SLC35F2: variants seen among roughly 807,000 people sequenced by gnomAD.
SLC35F2 encodes the protein solute carrier family 35 member F2.
Under a neutral mutation model 38.1 loss-of-function variants are expected in SLC35F2, and 25 were observed. That is an observed-to-expected ratio of 0.66 (90% CI 0.48 to 0.92). The LOEUF is 0.92. Ranked by LOEUF, SLC35F2 falls within the 40% of genes least tolerant of loss-of-function variation. SLC35F2 has a pLI of 0.00. For synonymous variants in SLC35F2, 173 were observed against 181.7 expected (o/e 0.95, Z 0.38); for missense variants, 409 against 452.9 (o/e 0.90, Z 0.88).
chr11:107,792,353 T>C lies in SLC35F2; in HGVS notation c.*262A>G. ...CCCACTGGTGCCTCTAAGACCCCAG[T>C]GTGGAGTCTGCACCTCATCTCCTCA... On this transcript the variant is annotated 3_prime_UTR_variant, in exon 8 of 8. Coordinates refer to ENST00000525815, the MANE Select transcript of SLC35F2 (RefSeq NM_017515.5). 3.0e-6 allele frequency: 1 copy of C among 330,636 alleles called. No homozygotes were observed. Among genetic ancestry groups the C allele is most frequent in the South Asian group, 4.4e-5 (1 of 22,788 alleles). The allele number at this position is 330,636 out of a possible 1,614,324, so 20.5% of individuals were successfully genotyped here.
chr11:107,809,167 T>C (rs1859443065), intron 3 of SLC35F2, among the ~76,000 whole-genome samples: 1 of 152,006 alleles, frequency 6.6e-6, no homozygotes, highest in South Asian at 2.1e-4. Context: ...TCACCTTTAG[T>C]CATGTGAACC....
At chr11:107,800,634 T>C (rs1358505461) in intron 7 of SLC35F2, among the ~76,000 whole-genome samples, 1 of 152,116 alleles carries the variant, frequency 6.6e-6, no homozygotes, top group Non-Finnish European at 1.5e-5. Flanking sequence ...TGCAGTGGTG[T>C]GATCAGATCA....
intron 3 of SLC35F2, among the ~76,000 whole-genome samples, chr11:107,807,178 T>TA (rs1859406006): frequency 6.6e-6 from 1 of 150,614 alleles, no homozygotes; most frequent in South Asian, 2.1e-4. Flanking sequence ...CTCACGCCTG[T>TA]AATCTTAGCA....
chr11:107,845,430 A>C (rs1860091176), intron 1 of SLC35F2, among the ~76,000 whole-genome samples: 1 of 151,600 alleles, frequency 6.6e-6, no homozygotes, highest in Non-Finnish European at 1.5e-5. Flanking sequence ...CTGAGGCTGG[A>C]GGATTGCTTG....
chr11:107,831,078 T>C (rs1859833276), intron 1 of SLC35F2, among the ~76,000 whole-genome samples: 1 of 152,184 alleles, frequency 6.6e-6, no homozygotes, highest in Admixed American at 6.6e-5. Context: ...ATCCAGGATA[T>C]GAATCAATAC....
At chr11:107,849,282 T>C (rs981247194) in intron 1 of SLC35F2, among the ~76,000 whole-genome samples, 1 of 152,052 alleles carries the variant, frequency 6.6e-6, no homozygotes, top group Non-Finnish European at 1.5e-5. Context: ...GATGGAGGCA[T>C]GGATGGAAGC....
rs534781383 is a variant in SLC35F2 at position 107,834,481 on chromosome 11, T to A, written c.111-18516A>T. 1.2e-4 allele frequency among the ~76,000 whole-genome samples: 18 copies of A among 152,176 alleles called. 1 individual carries two copies. In the South Asian group the frequency reaches 3.5e-3, roughly 30 times the overall value. The stretch of plus-strand genomic sequence containing the variant: ...GCCTGGCCAACATGGTGAAACCCCA[T>A]CTCTACTAAAAATACAAAATTAGCC... On this transcript the variant is annotated intron_variant, in intron 1 of 7. Transcript: ENST00000525815.
chr11:107,792,536 C>T lies in SLC35F2; in HGVS notation c.*79G>A. ...TTGTAGAGTGTCCATTCTGAGTCTGCTATTTCCCCAAGTGTCCCCTCAGCA... is the reference window on the plus strand; with the variant it reads ...TTGTAGAGTGTCCATTCTGAGTCTGTTATTTCCCCAAGTGTCCCCTCAGCA... On this transcript the variant is annotated 3_prime_UTR_variant, in exon 8 of 8. Coordinates refer to ENST00000525815, the MANE Select transcript of SLC35F2 (RefSeq NM_017515.5). The T allele has an allele frequency of 6.8e-7, 1 of 1,480,406 alleles. No individual in the cohort carries two copies. 91.7% of individuals were successfully genotyped at this position (1,480,406 alleles called of 1,614,324 possible).
intron 7 of SLC35F2, among the ~76,000 whole-genome samples, chr11:107,799,419 G>A (rs1399735013): frequency 2.0e-5 from 3 of 152,226 alleles, no homozygotes; most frequent in East Asian, 1.9e-4. Context: ...GCCTGCAACT[G>A]CTATATAGAA....
intron 1 of SLC35F2, chr11:107,821,505 A>T (rs879281365): frequency 7.3e-5 from 72 of 985,286 alleles, no homozygotes; most frequent in Non-Finnish European, 4.7e-5. Context: ...GAAAGAAGAC[A>T]AGAACACTCA....
intron 2 of SLC35F2, among the ~76,000 whole-genome samples, chr11:107,814,836 G>A (rs950953615): frequency 3.3e-5 from 5 of 152,092 alleles, no homozygotes; most frequent in Non-Finnish European, 5.9e-5. Context: ...AGTGGCTCAC[G>A]CCTATAATCC....
At chr11:107,838,393 C>T (rs201231603) in intron 1 of SLC35F2, among the ~76,000 whole-genome samples, 2 of 152,168 alleles carry the variant, frequency 1.3e-5, no homozygotes, top group African/African-American at 2.4e-5. Flanking sequence ...GGCGTACTCT[C>T]GGCTCACTGC....
At chr11:107,811,915 T>C (rs683252) in intron 2 of SLC35F2, 121 bp from the exon 3 acceptor site, 2 of 944,920 alleles carry the variant, frequency 2.1e-6, no homozygotes, top group East Asian at 2.6e-5. Context: ...CTTCTTCTTC[T>C]TTTTGAGATA....
At chr11:107,804,849 TC>T in intron 5 of SLC35F2, 79 bp from the exon 6 acceptor site, 2 of 1,245,302 alleles carry the variant, frequency 1.6e-6, no homozygotes, top group Non-Finnish European at 2.3e-6. Flanking sequence ...TCACTATACT[TC>T]AGCTAAAGTG....
At chr11:107,840,250 G>A (rs498851) in intron 1 of SLC35F2, among the ~76,000 whole-genome samples, 1 of 152,128 alleles carries the variant, frequency 6.6e-6, no homozygotes, top group Non-Finnish European at 1.5e-5. Flanking sequence ...ATAGGATTAG[G>A]GTTGGTAATA....
chr11:107,807,583 T>A (rs79839655), intron 3 of SLC35F2, among the ~76,000 whole-genome samples: 3,578 of 150,946 alleles, frequency 0.024, 146 homozygotes, highest in African/African-American at 0.083. Flanking sequence ...TATTATTATT[T>A]TTTTTTTGAG....
intron 1 of SLC35F2, among the ~76,000 whole-genome samples, chr11:107,843,586 T>A (rs1393383188): frequency 6.7e-6 from 1 of 150,130 alleles, no homozygotes; most frequent in Non-Finnish European, 1.5e-5. Flanking sequence ...CTGAGCAGAG[T>A]GGCTCACGCC....
chr11:107,848,055 G>C (rs182068113), intron 1 of SLC35F2, among the ~76,000 whole-genome samples: 2 of 152,110 alleles, frequency 1.3e-5, no homozygotes. Context: ...CTGGGGAGGG[G>C]GAGTGCAGAG....
chr11:107,849,107 A>G (rs1860137587), intron 1 of SLC35F2, among the ~76,000 whole-genome samples: 1 of 152,146 alleles, frequency 6.6e-6, no homozygotes, highest in South Asian at 2.1e-4. Flanking sequence ...CTGTCAAAAC[A>G]GAATAAAAAA....
Sources: gnomAD v4.1 joint callset for allele counts (sites outside exome capture counted in the v4.1 genomes callset) on GRCh38, gnomAD v4.1.1 for gene constraint, MANE v1.5 for transcripts, NCBI Gene and HGNC (gene_info 2026-07-23, HGNC 2026-07-21) for gene names.